The following GRM1 variants were observed in gnomAD, a reference collection of about 807,000 sequenced individuals.
The protein encoded by GRM1 is glutamate metabotropic receptor 1.
GRM1 carries 33 observed loss-of-function variants against 90.9 expected under a neutral mutation model. The observed-to-expected ratio is 0.36, with a 90% CI of 0.28 to 0.49. The LOEUF is 0.49. GRM1 is among the 20% of genes least tolerant of loss of function. GRM1 has a pLI of 0.99. For synonymous variants in GRM1, 700 were observed against 613.2 expected (o/e 1.14, Z -2.09); for missense variants, 1,190 against 1,534.3 (o/e 0.78, Z 3.75).
chr6:146,386,434 G>A (rs1317679091), intron 5 of GRM1, among the ~76,000 whole-genome samples: 1 of 151,988 alleles, frequency 6.6e-6, no homozygotes, highest in Admixed American at 6.6e-5. Flanking sequence ...TAATAATTCA[G>A]TTTTTCATAA....
intron 2 of GRM1, among the ~76,000 whole-genome samples, chr6:146,163,001 A>T (rs1168831704): frequency 6.6e-6 from 1 of 152,126 alleles, no homozygotes; most frequent in Non-Finnish European, 1.5e-5. Flanking sequence ...ATATATTAAG[A>T]CAATATGACT....
chr6:146,366,338 T>C (rs1470419265), intron 5 of GRM1, among the ~76,000 whole-genome samples: 1 of 152,208 alleles, frequency 6.6e-6, no homozygotes, highest in African/African-American at 2.4e-5. Context: ...TTTCTTTGTG[T>C]TTGGGAATAT....
At chr6:146,267,020 A>G (rs1583245415) in intron 2 of GRM1, among the ~76,000 whole-genome samples, 1 of 152,246 alleles carries the variant, frequency 6.6e-6, no homozygotes, top group East Asian at 1.9e-4. Context: ...TCCATTAGCT[A>G]TTCTTCCTGA....
chr6:146,352,570 A>G (rs1237662226), intron 4 of GRM1, 74 bp downstream of exon 4: 2 of 1,459,036 alleles, frequency 1.4e-6, no homozygotes, highest in East Asian at 2.3e-5. Flanking sequence ...CTGTGGCTTC[A>G]TCTGGTTCCA....
At chr6:146,218,300 T>A (rs180890334) in intron 2 of GRM1, among the ~76,000 whole-genome samples, 3 of 152,302 alleles carry the variant, frequency 2.0e-5, no homozygotes, top group Admixed American at 1.3e-4. Context: ...TTCTTTTACA[T>A]CCCTTTCAAT....
intron 6 of GRM1, among the ~76,000 whole-genome samples, chr6:146,395,644 T>C (rs1202014929): frequency 6.6e-6 from 1 of 152,172 alleles, no homozygotes; most frequent in African/African-American, 2.4e-5. Context: ...CATTATGTTC[T>C]GTATTCATGA....
Position 146,212,733 on chromosome 6 carries a change from C to G in GRM1, c.950+53136C>G, listed in dbSNP as rs143823603. Among the ~76,000 whole-genome samples the G allele has an allele frequency of 3.3e-3, 509 of 152,200 alleles. 2 individuals carry two copies. The highest frequency in any genetic ancestry group is 5.6e-3 in the Non-Finnish European group (379 of 67,992). On this transcript the variant is annotated intron_variant, in intron 2 of 7. Coordinates refer to ENST00000282753, the MANE Select transcript of GRM1 (RefSeq NM_001278064.2). ...GCCCCTACAAACTCAGTTCAAAGAT[C>G]AAAAACTGGACCCTTTAGCTGTATA...
chr6:146,303,111 G>A lies in GRM1; in HGVS notation c.951-1500G>A, dbSNP rs946181770. Among the ~76,000 whole-genome samples the A allele has an allele frequency of 4.6e-5, 7 of 152,126 alleles. 1 individual carries two copies. Among genetic ancestry groups the A allele is most frequent in the Admixed American group, 3.3e-4 (5 of 15,270 alleles). On this transcript the variant is annotated intron_variant, in intron 2 of 7. Coordinates refer to ENST00000282753, the MANE Select transcript of GRM1 (RefSeq NM_001278064.2). ...CTGTTGAAAATGCAGCTCATGTGTG[G>A]TTCAATGGGAAGATTCTAGAGAAGA...
intron 1 of GRM1, among the ~76,000 whole-genome samples, chr6:146,144,765 A>C (rs1008674865): frequency 6.6e-6 from 1 of 152,222 alleles, no homozygotes; most frequent in African/African-American, 2.4e-5. Flanking sequence ...TGAACAGAGC[A>C]TTAAGAGTGA....
intron 1 of GRM1, among the ~76,000 whole-genome samples, chr6:146,075,641 A>G (rs991827662): frequency 3.9e-5 from 6 of 152,230 alleles, no homozygotes; most frequent in African/African-American, 1.2e-4. Context: ...TTAAAATAAT[A>G]GAAATGGATT....
intron 1 of GRM1, among the ~76,000 whole-genome samples, chr6:146,158,534 C>T (rs1451083200): frequency 6.6e-6 from 1 of 152,104 alleles, no homozygotes; most frequent in African/African-American, 2.4e-5. Flanking sequence ...TTTGAGAAAT[C>T]GTGAGGGCAT....
At chr6:146,433,264 G>A (rs1036387370) in intron 7 of GRM1, among the ~76,000 whole-genome samples, 13 of 152,202 alleles carry the variant, frequency 8.5e-5, no homozygotes, top group African/African-American at 3.1e-4. Context: ...AATTGACCAT[G>A]AGTCTGAGTT....
At position 146,399,561 on chromosome 6, in the gene GRM1, A is replaced by G. The variant is rs1370667383; in HGVS notation, c.2522A>G (p.Lys841Arg). 6.2e-7 allele frequency: 1 copy of G among 1,614,146 alleles called. No homozygotes were observed. The highest frequency in any genetic ancestry group is 8.5e-7 in the Non-Finnish European group (1 of 1,180,008). Residue 841 changes from lysine to arginine, a missense_variant, in exon 7 of 8, where the codon AAG (lysine) becomes AGG (arginine). Physicochemically the swap from Lys to Arg is conservative, Grantham distance 26. This residue lies in a region of GRM1 where 73 missense variants were observed against 150.6 expected (regional missense o/e 0.48). Coordinates refer to ENST00000282753, the MANE Select transcript of GRM1 (RefSeq NM_001278064.2). The surrounding 1 kb of genome is among the most constrained non-coding windows in gnomAD (Gnocchi z 5.4). ...FTPKMYIIIA[K>R]PERNVRSAFT... ...CCCAAGATGTACATCATTATTGCCAAGCCTGAGAGGAATGTCCGCAGTGCC... is the reference window on the plus strand; with the variant it reads ...CCCAAGATGTACATCATTATTGCCAGGCCTGAGAGGAATGTCCGCAGTGCC...
intron 5 of GRM1, among the ~76,000 whole-genome samples, chr6:146,367,455 C>A (rs1775734947): frequency 1.3e-5 from 2 of 151,682 alleles, no homozygotes; most frequent in Admixed American, 6.6e-5. Context: ...TTTAGCTTCC[C>A]AGAGGGTACA....
chr6:146,397,343 G>T (rs907534989), intron 6 of GRM1, among the ~76,000 whole-genome samples: 1 of 151,460 alleles, frequency 6.6e-6, no homozygotes, highest in East Asian at 1.9e-4. Context: ...GCATGGTGGC[G>T]GGTGCCTGTA....
At chr6:146,328,653 C>G (rs1784480256) in intron 3 of GRM1, among the ~76,000 whole-genome samples, 2 of 152,176 alleles carry the variant, frequency 1.3e-5, no homozygotes, top group African/African-American at 4.8e-5. Flanking sequence ...CATATGATCT[C>G]TATCTTCTAT....
chr6:146,153,316 A>G (rs1344198358), intron 1 of GRM1, among the ~76,000 whole-genome samples: 1 of 152,176 alleles, frequency 6.6e-6, no homozygotes, highest in Non-Finnish European at 1.5e-5. Flanking sequence ...TTCAGTTTGT[A>G]TGCTCTTTGC....
chr6:146,427,541 T>C (rs1337771750), intron 7 of GRM1, among the ~76,000 whole-genome samples: 1 of 152,156 alleles, frequency 6.6e-6, no homozygotes, highest in African/African-American at 2.4e-5. Flanking sequence ...AACCTGGCCA[T>C]GGAGGCTGAT....
At chr6:146,415,957 T>G (rs919724745) in intron 7 of GRM1, among the ~76,000 whole-genome samples, 1 of 152,220 alleles carries the variant, frequency 6.6e-6, no homozygotes, top group Non-Finnish European at 1.5e-5. Context: ...TTGTCCTCTA[T>G]ATAGACTACT....
Sources: allele counts gnomAD v4.1 joint callset (sites outside exome capture counted in the v4.1 genomes callset), GRCh38; gene constraint gnomAD v4.1.1; regional missense constraint gnomAD v4.1.1; non-coding constraint Gnocchi (gnomAD v3.1); transcripts MANE v1.5; gene names NCBI Gene and HGNC (gene_info 2026-07-23, HGNC 2026-07-21).